The following CNTN6 variants were observed in gnomAD, a reference collection of about 807,000 sequenced individuals.
CNTN6 encodes the protein contactin-6.
A neutral mutation model predicts 122.8 loss-of-function variants in CNTN6; 137 were observed. The ratio of observed to expected loss-of-function variants is 1.12; its 90% CI spans 0.97 to 1.29. CNTN6 has a LOEUF of 1.29. CNTN6 is among the 50% of genes most tolerant of loss of function. The pLI, the probability that CNTN6 is intolerant of heterozygous loss-of-function variation, is 0.00. For synonymous variants in CNTN6, 570 were observed against 426.0 expected, an observed-to-expected ratio of 1.34 and a Z score of -4.16; for missense variants, 1,634 against 1,223.4, an observed-to-expected ratio of 1.34 and a Z score of -5.01.
At chr3:1,374,741 C>T (rs1046957225) in intron 16 of CNTN6, among the ~76,000 whole-genome samples, 1 of 152,036 alleles carries the variant, frequency 6.6e-6, no homozygotes, top group African/African-American at 2.4e-5. Context: ...CTTATTCGAT[C>T]ACATAAACAA....
intron 7 of CNTN6, among the ~76,000 whole-genome samples, chr3:1,300,150 T>G (rs550931575): frequency 2.6e-5 from 4 of 151,012 alleles, no homozygotes; most frequent in Non-Finnish European, 4.4e-5. Flanking sequence ...CTAATTGTAA[T>G]TTTTTTTTGG....
intron 12 of CNTN6, among the ~76,000 whole-genome samples, chr3:1,370,136 A>T (rs1322747178): frequency 6.6e-6 from 1 of 152,112 alleles, no homozygotes; most frequent in Non-Finnish European, 1.5e-5. Flanking sequence ...ATCCAAAAAA[A>T]AGAAAGAACC....
intron 4 of CNTN6, among the ~76,000 whole-genome samples, chr3:1,273,590 A>G (rs898186421): frequency 1.3e-5 from 2 of 152,208 alleles, no homozygotes; most frequent in African/African-American, 4.8e-5. Flanking sequence ...GAGATGGTAC[A>G]TAGTTTAAAT....
intron 2 of CNTN6, among the ~76,000 whole-genome samples, chr3:1,157,419 G>A (rs559317030): frequency 5.2e-4 from 79 of 151,770 alleles, no homozygotes; most frequent in South Asian, 1.5e-3. Flanking sequence ...GCTTCACCAC[G>A]TTAGCTAGCC....
intron 2 of CNTN6, among the ~76,000 whole-genome samples, chr3:1,149,441 G>T (rs2092792457): frequency 6.6e-6 from 1 of 152,108 alleles, no homozygotes; most frequent in Admixed American, 6.6e-5. Context: ...TAATTGTAAA[G>T]GACATATATT....
intron 3 of CNTN6, among the ~76,000 whole-genome samples, chr3:1,221,369 T>G (rs1399859956): frequency 6.6e-6 from 1 of 152,242 alleles, no homozygotes; most frequent in African/African-American, 2.4e-5. Context: ...TTGCTGCATA[T>G]GCAATGATTA....
At chr3:1,220,545 T>C in intron 2 of CNTN6, 142 bp from the exon 3 acceptor site, 1 of 772,506 alleles carries the variant, frequency 1.3e-6, no homozygotes, top group Non-Finnish European at 1.8e-6. Flanking sequence ...CTTTGTCCAT[T>C]TTTGTAATAC....
In CNTN6 at chr3:1,165,780, T is replaced by C. The variant is rs1575088348; in HGVS notation, c.55+17717T>C. ...GTTAAGTGACTTACTCAAGATAACA[T>C]GGCAGGTCAGTAACAGAAGTTGTAT... On this transcript the variant is annotated intron_variant, in intron 2 of 22. Transcript: ENST00000446702. Among the ~76,000 whole-genome samples, 3 of 152,318 alleles carry C rather than the reference T, an allele frequency of 2.0e-5. No individual in the cohort carries two copies. In the East Asian group the frequency reaches 5.8e-4, roughly 29 times the overall value.
intron 4 of CNTN6, among the ~76,000 whole-genome samples, chr3:1,259,994 G>A (rs2094818701): frequency 6.6e-6 from 1 of 152,086 alleles, no homozygotes; most frequent in Non-Finnish European, 1.5e-5. Context: ...GATTTTCACA[G>A]GTTCTGAGGC....
At chr3:1,249,879 C>T (rs1375807947) in intron 4 of CNTN6, among the ~76,000 whole-genome samples, 2 of 151,884 alleles carry the variant, frequency 1.3e-5, no homozygotes, top group Non-Finnish European at 2.9e-5. Flanking sequence ...AGGCTGCACC[C>T]TCTGCCAGCT....
intron 1 of CNTN6, among the ~76,000 whole-genome samples, chr3:1,111,618 T>C (rs2091483375): frequency 6.6e-6 from 1 of 152,186 alleles, no homozygotes; most frequent in Admixed American, 6.6e-5. Flanking sequence ...TAGGATGTAA[T>C]TAAATATTCT....
At chr3:1,383,899 A>G (rs1007619042) in intron 19 of CNTN6, among the ~76,000 whole-genome samples, 2 of 152,198 alleles carry the variant, frequency 1.3e-5, no homozygotes, top group African/African-American at 4.8e-5. Flanking sequence ...GGTAACTTCC[A>G]GGTGTTGCCA....
rs749630989 is a variant in CNTN6, at chr3:1,227,801, T to A, written c.183-17T>A. 1 of 1,606,822 alleles carries A rather than the reference T, an allele frequency of 6.2e-7. No homozygotes were observed. The highest frequency in any genetic ancestry group is 8.5e-7 in the Non-Finnish European group (1 of 1,175,596). ...ACTCTGTATATTATAAGCACTTTAT[T>A]TTTTTTTTCCTTGAAGGTGGAAGCA... is the stretch of plus-strand genomic sequence containing the variant. On this transcript the variant is annotated splice_polypyrimidine_tract_variant and intron_variant, in intron 3 of 22. Transcript: ENST00000446702.
chr3:1,189,229 G>A (rs1157485283), intron 2 of CNTN6, among the ~76,000 whole-genome samples: 1 of 152,080 alleles, frequency 6.6e-6, no homozygotes, highest in African/African-American at 2.4e-5. Flanking sequence ...CAAAATAGCT[G>A]AGTAAACCAC....
chr3:1,397,021 G>A (rs560110921), intron 20 of CNTN6, among the ~76,000 whole-genome samples: 51 of 152,266 alleles, frequency 3.3e-4, no homozygotes, highest in African/African-American at 1.2e-3. Flanking sequence ...TGTTCTAATT[G>A]GCTAAGCTAA....
rs1695626071 is a variant in CNTN6 at position 1,293,208 on chromosome 3, AT to A, written c.455-2391del. Among the ~76,000 whole-genome samples, 3 of 152,178 alleles carry A rather than the reference AT, an allele frequency of 2.0e-5. No individual in the cohort carries two copies. In the South Asian group the frequency reaches 6.2e-4, roughly 32 times the overall value. ...TTTTGCTCCTCCCCACTATTAATAG[AT>A]TAACTTTTTCCTTCTTTCTCTTTCC... On this transcript the variant is annotated intron_variant, in intron 5 of 22. Transcript: ENST00000446702.
At position 1,372,838 on chromosome 3, in the gene CNTN6, G is replaced by A. The variant is rs752187182; in HGVS notation, c.1669G>A (p.Glu557Lys). Reference protein sequence around the residue: ...GVAHFERIGGESVGDLMIRNI... With the variant: ...GVAHFERIGGKSVGDLMIRNI... ...TCCATTTCTCCCTTTCTGTCTGCAG[G>A]AATCTGTTGGGGATTTGATGATAAG... is the stretch of plus-strand genomic sequence containing the variant. The change falls in exon 14 of 23, where the codon GAA (glutamate) becomes AAA (lysine). Residue 557 changes from glutamate (E) to lysine (K), a missense_variant and splice_region_variant. Coordinates refer to ENST00000446702, the MANE Select transcript of CNTN6 (RefSeq NM_001289080.2). The A allele has an allele frequency of 6.4e-7, 1 of 1,569,736 alleles. No individual in the cohort carries two copies. Among genetic ancestry groups the A allele is most frequent in the Non-Finnish European group, 8.7e-7 (1 of 1,144,934 alleles).
intron 2 of CNTN6, among the ~76,000 whole-genome samples, chr3:1,214,058 T>C (rs1257497272): frequency 6.6e-6 from 1 of 152,056 alleles, no homozygotes; most frequent in Non-Finnish European, 1.5e-5. Context: ...TTGTAGCATT[T>C]ATATTCTGTT....
intron 20 of CNTN6, among the ~76,000 whole-genome samples, chr3:1,386,591 AG>A (rs1306477576): frequency 6.6e-6 from 1 of 152,192 alleles, no homozygotes; most frequent in Non-Finnish European, 1.5e-5. Flanking sequence ...CATCCGACTT[AG>A]TTGTTCCTGT....
Sources: allele counts gnomAD v4.1 joint callset (sites outside exome capture counted in the v4.1 genomes callset), GRCh38; gene constraint gnomAD v4.1.1; transcripts MANE v1.5; gene names NCBI Gene and HGNC (gene_info 2026-07-23, HGNC 2026-07-21).